LPA: variants seen among roughly 807,000 people sequenced by gnomAD.
The protein encoded by LPA is apolipoprotein(a).
Under a neutral mutation model 197.9 loss-of-function variants are expected in LPA, and 199 were observed. That is an observed-to-expected ratio of 1.01 (90% CI 0.90 to 1.13). The LOEUF (loss-of-function observed/expected upper bound fraction) is 1.13. Among genes scored for constraint, LPA ranks in the 50% most tolerant of loss-of-function variants. LPA has a pLI of 0.00. For missense variants in LPA, 1,853 were observed against 1,785.8 expected (o/e 1.04, Z -0.68); for synonymous variants, 715 against 639.5 (o/e 1.12, Z -1.78).
intron 29 of LPA, 55 bp downstream of exon 29, chr6:160,557,335 A>C: frequency 6.3e-7 from 1 of 1,593,528 alleles, no homozygotes; most frequent in Non-Finnish European, 8.6e-7. Flanking sequence ...CAGATTTTCC[A>C]TCTCTTTTCA....
At chr6:160,653,161 G>A (rs956778223) in intron 1 of LPA, among the ~76,000 whole-genome samples, 1 of 152,012 alleles carries the variant, frequency 6.6e-6, no homozygotes, top group African/African-American at 2.4e-5. Flanking sequence ...ATAGACTTCA[G>A]AACAACGAAT....
At chr6:160,560,862 A>G (rs911460031) in intron 28 of LPA, among the ~76,000 whole-genome samples, 5 of 152,032 alleles carry the variant, frequency 3.3e-5, no homozygotes, top group African/African-American at 1.2e-4. Context: ...TCCCATGCCT[A>G]TGTCCTGAAT....
At chr6:160,653,943 ATATATATTATATATAATATATAT>A (rs1780051567) in intron 1 of LPA, among the ~76,000 whole-genome samples, 2 of 35,358 alleles carry the variant, frequency 5.7e-5, no homozygotes, top group East Asian at 8.1e-4. Context: ...TATATATTTT[ATATATATTATATATAATATATAT>A]TATATATAAT....
intron 22 of LPA, among the ~76,000 whole-genome samples, chr6:160,592,369 C>G (rs931549424): frequency 1.4e-5 from 2 of 148,046 alleles, no homozygotes; most frequent in African/African-American, 4.9e-5. Context: ...TAACTTTTCT[C>G]AGTTTTTAAA....
chr6:160,604,863 G>C lies in LPA; in HGVS notation c.2945+183C>G, dbSNP rs556937973. 3.3e-5 allele frequency among the ~76,000 whole-genome samples: 5 copies of C among 152,260 alleles called. No homozygotes were observed. The East Asian group carries it at 9.6e-4, about 29-fold the overall frequency. Reference sequence around the variant, plus strand: ...TGCTCCATTAAACTAGGAGGAAGGAGAGCCAGATTAACATTTGTCTTCTCT... The same window carrying C: ...TGCTCCATTAAACTAGGAGGAAGGACAGCCAGATTAACATTTGTCTTCTCT... On this transcript the variant is annotated intron_variant, in intron 18 of 38. Transcript: ENST00000316300.
In LPA at chr6:160,595,412, A is replaced by C; in HGVS notation, c.3411T>G (p.Ser1137Arg). The C allele has an allele frequency of 6.2e-7, 1 of 1,613,874 alleles. No individual in the cohort carries two copies. Among genetic ancestry groups the C allele is most frequent in the Non-Finnish European group, 8.5e-7 (1 of 1,179,898 alleles). The stretch of plus-strand genomic sequence containing the variant: ...GGACCACCGTGAGAGTTGCAAGGAC[A>C]CTTGATTCTGTCACCAGGCATTGTG... ...NLTQCLVTES[S>R]VLATLTVVPD... Residue 1137 changes from serine to arginine, a missense_variant, in exon 21 of 39, where the codon AGT becomes AGG. This residue lies in a region of LPA where 1,737 missense variants were observed against 1,504.4 expected (regional missense o/e 1.15). Coordinates refer to ENST00000316300, the MANE Select transcript of LPA (RefSeq NM_005577.4).
intron 26 of LPA, among the ~76,000 whole-genome samples, chr6:160,581,783 A>T (rs540266156): frequency 3.0e-4 from 45 of 152,276 alleles, no homozygotes; most frequent in African/African-American, 1.1e-3. Flanking sequence ...GTGTGGGTTG[A>T]AACTAAAGAT....
At chr6:160,532,743 G>T in intron 37 of LPA, 94 bp from the exon 38 acceptor site, 1 of 842,308 alleles carries the variant, frequency 1.2e-6, no homozygotes, top group Admixed American at 1.7e-5. Flanking sequence ...TGGACCTCCT[G>T]TCTGTCCGTG....
intron 28 of LPA, among the ~76,000 whole-genome samples, chr6:160,572,486 T>A (rs1418021230): frequency 6.6e-6 from 1 of 152,198 alleles, no homozygotes; most frequent in Non-Finnish European, 1.5e-5. Context: ...AACTTGTACT[T>A]TTGTTTTATA....
intron 37 of LPA, among the ~76,000 whole-genome samples, chr6:160,536,634 C>A (rs1407540623): frequency 6.6e-6 from 1 of 152,142 alleles, no homozygotes; most frequent in African/African-American, 2.4e-5. Flanking sequence ...AACAATAATA[C>A]CTAACTCACA....
At chr6:160,559,010 CT>C (rs1027876643) in intron 28 of LPA, among the ~76,000 whole-genome samples, 2 of 152,178 alleles carry the variant, frequency 1.3e-5, no homozygotes, top group Non-Finnish European at 2.9e-5. Flanking sequence ...AATTTCTGCC[CT>C]TTTTACAGTT....
Position 160,601,070 on chromosome 6 carries a change from G to T in LPA, c.2974C>A (p.Pro992Thr), listed in dbSNP as rs756666809. ...AGLIKNYCRNPDPVAAPWCYT... is the reference protein window; with the variant it reads ...AGLIKNYCRNTDPVAAPWCYT... ...CACCAAGGGGCTGCCACAGGATCTG[G>T]ATTTCGGCAGTAGTTCTTGATCAAG... Residue 992 changes from proline (P) to threonine (T), a missense_variant, in exon 19 of 39, where the codon CCA (proline) becomes ACA (threonine). Pro to Thr is a conservative substitution (Grantham distance 38, BLOSUM62 -1). Around this residue, in one of 3 missense-constraint regions of LPA, gnomAD observed 1,737 missense variants for 1,504.4 expected, o/e 1.15. Coordinates refer to ENST00000316300, the MANE Select transcript of LPA (RefSeq NM_005577.4). 1 of 1,614,078 alleles carries T rather than the reference G, an allele frequency of 6.2e-7. No homozygotes were observed. The highest frequency in any genetic ancestry group is 8.5e-7 in the Non-Finnish European group (1 of 1,179,970).
At chr6:160,609,541 C>A (rs1239619440) in intron 16 of LPA, among the ~76,000 whole-genome samples, 1 of 151,838 alleles carries the variant, frequency 6.6e-6, no homozygotes, top group Non-Finnish European at 1.5e-5. Context: ...CTCGAAATTT[C>A]CTATTTGATC....
intron 30 of LPA, among the ~76,000 whole-genome samples, chr6:160,553,937 CTGTGTG>C (rs59853609): frequency 2.2e-5 from 3 of 139,066 alleles, no homozygotes; most frequent in Admixed American, 2.1e-4. Context: ...CTCTCTCTCT[CTGTGTG>C]TGTGTGTGTG....
intron 17 of LPA, among the ~76,000 whole-genome samples, chr6:160,606,097 A>C (rs920046846): frequency 3.9e-5 from 6 of 152,210 alleles, no homozygotes; most frequent in African/African-American, 1.4e-4. Context: ...GCAATGCTGA[A>C]GATTGCACTG....
intron 36 of LPA, among the ~76,000 whole-genome samples, chr6:160,538,650 T>C (rs1777929670): frequency 6.6e-6 from 1 of 152,196 alleles, no homozygotes; most frequent in African/African-American, 2.4e-5. Flanking sequence ...AATGCCGTAT[T>C]CTGACCAAAA....
At chr6:160,541,975 T>C (rs1237366066) in intron 34 of LPA, among the ~76,000 whole-genome samples, 1 of 149,238 alleles carries the variant, frequency 6.7e-6, no homozygotes, top group East Asian at 1.9e-4. Flanking sequence ...AGGAAGTCTC[T>C]TTAGAGGAGA....
rs1486699901 is a variant in LPA at position 160,605,176 on chromosome 6, C to G, written c.2815G>C (p.Glu939Gln). The change falls in exon 18 of 39, where the codon GAG (glutamate) becomes CAG (glutamine). Residue 939 changes from glutamate to glutamine, a missense_variant. By Grantham distance (29) the Glu-to-Gln change is conservative. Transcript: ENST00000316300. ...APTEQRPGVQ[E>Q]CYHGNGQSYQ... The stretch of plus-strand genomic sequence containing the variant: ...CTCTGTCCATTTCCGTGGTAGCACT[C>G]CTGCACCCCAGGCCTTTGCTCAGTT... The G allele has an allele frequency of 6.2e-7, 1 of 1,613,914 alleles. No individual in the cohort carries two copies. The highest frequency in any genetic ancestry group is 8.5e-7 in the Non-Finnish European group (1 of 1,179,886).
At chr6:160,587,842 G>C (rs1219014300) in intron 24 of LPA, among the ~76,000 whole-genome samples, 1 of 146,204 alleles carries the variant, frequency 6.8e-6, no homozygotes. Context: ...GATTTGTGTA[G>C]CTCCTATTGA....
Sources: gnomAD v4.1 joint callset for allele counts (sites outside exome capture counted in the v4.1 genomes callset) on GRCh38, gnomAD v4.1.1 for gene constraint, gnomAD v4.1.1 regional missense constraint, MANE v1.5 for transcripts, NCBI Gene and HGNC (gene_info 2026-07-23, HGNC 2026-07-21) for gene names.